Variants in TENM4 observed in about 807,000 individuals in gnomAD.
TENM4 encodes teneurin transmembrane protein 4, also known as teneurin-4.
In TENM4, 82 loss-of-function variants were observed where a neutral mutation model predicts 243.3. The ratio of observed to expected loss-of-function variants is 0.34; its 90% confidence interval spans 0.28 to 0.40. TENM4 has a LOEUF of 0.40. TENM4 is among the 10% of genes least tolerant of loss of function. The probability of loss-of-function intolerance (pLI) is 1.00; values close to 1 mark genes in which losing one functional copy is unlikely to be tolerated. For missense variants in TENM4, 3,138 were observed against 3,673.3 expected (o/e 0.85, Z 3.77); for synonymous variants, 1,412 against 1,456.3 (o/e 0.97, Z 0.69).
In TENM4 at chr11:78,733,335, A is replaced by G. The variant is rs570471794; in HGVS notation, c.2877-758T>C. Among the ~76,000 whole-genome samples, 6 of 152,316 alleles carry G rather than the reference A, an allele frequency of 3.9e-5. No individual in the cohort carries two copies. In the South Asian group the frequency reaches 1.0e-3, roughly 26 times the overall value. ...CCTCTGAGGATGCTGGGGAGGTCTG[A>G]GGAGAAACCTGCCCTCCTAGTCCTA... On this transcript the variant is annotated intron_variant, in intron 20 of 33. Transcript: ENST00000278550.
intron 14 of TENM4, 115 bp downstream of exon 14, chr11:78,812,007 G>A (rs1857511823): frequency 7.6e-7 from 1 of 1,317,158 alleles, no homozygotes; most frequent in Non-Finnish European, 1.0e-6. Flanking sequence ...GCTTGGGGAG[G>A]TGGGGTCACA....
At chr11:78,864,824 C>A (rs999287164) in intron 9 of TENM4, among the ~76,000 whole-genome samples, 3 of 152,130 alleles carry the variant, frequency 2.0e-5, no homozygotes, top group Non-Finnish European at 2.9e-5. Flanking sequence ...TTCTGGAGAG[C>A]CAGAATGAAA....
intron 2 of TENM4, among the ~76,000 whole-genome samples, chr11:79,284,475 T>A (rs1337488794): frequency 2.0e-5 from 3 of 152,190 alleles, no homozygotes; most frequent in African/African-American, 7.2e-5. Flanking sequence ...CAGGAAATGA[T>A]GCCAAGATAA....
At chr11:79,295,407 A>T (rs1038514613) in intron 2 of TENM4, among the ~76,000 whole-genome samples, 7 of 152,148 alleles carry the variant, frequency 4.6e-5, no homozygotes, top group African/African-American at 1.7e-4. Context: ...GCACACACAC[A>T]ATTCTGCTGA....
chr11:79,009,988 G>T (rs899457037), intron 6 of TENM4, among the ~76,000 whole-genome samples: 1 of 152,038 alleles, frequency 6.6e-6, no homozygotes, highest in African/African-American at 2.4e-5. Flanking sequence ...GTTTTATATA[G>T]GAGAGTTCCC....
At chr11:78,909,732 A>G (rs1228808876) in intron 6 of TENM4, among the ~76,000 whole-genome samples, 1 of 152,262 alleles carries the variant, frequency 6.6e-6, no homozygotes, top group Non-Finnish European at 1.5e-5. Context: ...TAGGCAGAAG[A>G]TAATGCATGT....
chr11:78,653,492 T>G lies in TENM4; in HGVS notation c.*4566A>C, dbSNP rs887775058. The G allele has an allele frequency of 6.6e-6, 1 of 152,254 alleles. No individual in the cohort carries two copies. Among genetic ancestry groups the G allele is most frequent in the Non-Finnish European group, 1.5e-5 (1 of 68,050 alleles). 9.4% of individuals were successfully genotyped at this position (152,254 alleles called of 1,614,324 possible). A position where few individuals can be genotyped will look rare whatever the true frequency, so the allele number is the denominator to read the frequency against. ...TAGTTCCAGACTTCAGGAAAATGAT[T>G]TCCACATGGTAAGGCCAGAGTCTCC... is the stretch of plus-strand genomic sequence containing the variant. On this transcript the variant is annotated 3_prime_UTR_variant, in exon 34 of 34. Coordinates refer to ENST00000278550, the MANE Select transcript of TENM4 (RefSeq NM_001098816.3).
intron 32 of TENM4, among the ~76,000 whole-genome samples, chr11:78,663,094 G>C (rs935911639): frequency 6.6e-6 from 1 of 152,210 alleles, no homozygotes. Flanking sequence ...AGATGGCAGG[G>C]GGAGGTGAAC....
At chr11:79,032,275 C>T (rs1859263763) in intron 6 of TENM4, among the ~76,000 whole-genome samples, 1 of 152,162 alleles carries the variant, frequency 6.6e-6, no homozygotes, top group African/African-American at 2.4e-5. Flanking sequence ...AGGCGGGGGG[C>T]ACCAGGCCGG....
chr11:79,090,758 C>T (rs1418514896), intron 4 of TENM4, among the ~76,000 whole-genome samples: 2 of 152,184 alleles, frequency 1.3e-5, no homozygotes, highest in Non-Finnish European at 2.9e-5. Context: ...CTTGGTGGCT[C>T]ACCACTCCAT....
chr11:79,245,506 T>A (rs1428379901), intron 2 of TENM4, among the ~76,000 whole-genome samples: 4 of 152,226 alleles, frequency 2.6e-5, no homozygotes, highest in African/African-American at 9.6e-5. Flanking sequence ...ACTTTCCTTC[T>A]CTGTGCCTTA....
chr11:79,028,189 T>C (rs1160827094), intron 6 of TENM4, among the ~76,000 whole-genome samples: 1 of 152,184 alleles, frequency 6.6e-6, no homozygotes, highest in African/African-American at 2.4e-5. Context: ...AGGGAGAAGA[T>C]AAATATAAAG....
intron 19 of TENM4, among the ~76,000 whole-genome samples, chr11:78,754,207 G>A (rs150148391): frequency 2.6e-5 from 4 of 152,312 alleles, no homozygotes; most frequent in East Asian, 1.9e-4. Context: ...TATCTAGAGC[G>A]GCAGAGCCAG....
chr11:79,078,912 C>G (rs1446818302), intron 4 of TENM4, among the ~76,000 whole-genome samples: 1 of 152,220 alleles, frequency 6.6e-6, no homozygotes, highest in Non-Finnish European at 1.5e-5. Flanking sequence ...AAGGTTCAAG[C>G]TTTTAATCAT....
At chr11:78,879,317 A>T (rs1294144134) in intron 9 of TENM4, among the ~76,000 whole-genome samples, 11 of 4,142 alleles carry the variant, frequency 2.7e-3, no homozygotes, top group African/African-American at 7.9e-3. Context: ...CCGCCACCCG[A>T]TCTGGGATGT....
Position 79,238,844 on chromosome 11 carries a change from G to A in TENM4, c.-264-22935C>T, listed in dbSNP as rs541267248. ...GTTCAAGACCAGCTTGGCGATCGTG[G>A]TGAAACCCCGTTTCTCCTAAAAATA... On this transcript the variant is annotated intron_variant, in intron 2 of 33. Transcript: ENST00000278550. 6.6e-5 allele frequency among the ~76,000 whole-genome samples: 10 copies of A among 151,996 alleles called. No individual in the cohort carries two copies. In the East Asian group the frequency reaches 1.9e-3, roughly 30 times the overall value.
In TENM4 at chr11:79,272,539, T is replaced by C. The variant is rs559295255; in HGVS notation, c.-265+24949A>G. ...CATCTCGTATTATATCTATGGTACA[T>C]ATTAATTCAGACTAGCCACATTCCA... On this transcript the variant is annotated intron_variant, in intron 2 of 33. Transcript: ENST00000278550. 5.9e-5 allele frequency among the ~76,000 whole-genome samples: 9 copies of C among 152,344 alleles called. No individual in the cohort carries two copies. The South Asian group carries it at 1.9e-3, about 32-fold the overall frequency.
At chr11:78,752,134 G>A (rs1433752809) in intron 19 of TENM4, among the ~76,000 whole-genome samples, 1 of 152,192 alleles carries the variant, frequency 6.6e-6, no homozygotes, top group African/African-American at 2.4e-5. Context: ...GTGGCAGGAT[G>A]TCAGATAGAG....
Position 78,701,717 on chromosome 11 carries a change from G to T in TENM4, c.4896C>A (p.Arg1632=), listed in dbSNP as rs548846190. ...AGAGGGGCATCCCAGTAGAGTCTCG[G>T]CGGACATTTACCATGTTGCCATTGT... ...TDNNGNMVNV[R]RDSTGMPLWL... is the part of the protein sequence containing the mutation. The change falls in exon 28 of 34, where the codon CGC becomes CGA. Residue 1632 remains arginine, a synonymous_variant. Coordinates refer to ENST00000278550, the MANE Select transcript of TENM4 (RefSeq NM_001098816.3). The T allele has an allele frequency of 6.2e-7, 1 of 1,613,998 alleles. No individual in the cohort carries two copies. The highest frequency in any genetic ancestry group is 1.7e-5 in the Admixed American group (1 of 60,032).
Sources: allele counts gnomAD v4.1 joint callset (sites outside exome capture counted in the v4.1 genomes callset), GRCh38; gene constraint gnomAD v4.1.1; transcripts MANE v1.5; gene names NCBI Gene and HGNC (gene_info 2026-07-23, HGNC 2026-07-21).